Variants in CST7 observed in about 807,000 individuals in gnomAD.
CST7 encodes the protein cystatin F, also known as cystatin-F.
Under a neutral mutation model 13.1 loss-of-function variants are expected in CST7, and 15 were observed. The observed-to-expected ratio is 1.14, with a 90% CI of 0.77 to 1.76. The LOEUF is 1.76. CST7 is among the 40% of genes most tolerant of loss of function. The probability of loss-of-function intolerance (pLI) is 0.00; values close to 1 mark genes in which losing one functional copy is unlikely to be tolerated. For synonymous variants in CST7, 75 were observed against 66.9 expected (o/e 1.12, Z -0.59); for missense variants, 193 against 178.8 (o/e 1.08, Z -0.45).
At chr20:24,959,599 A>C (rs1244163643) in intron 3 of CST7, 36 bp from the exon 4 acceptor site, 3 of 1,604,556 alleles carry the variant, frequency 1.9e-6, no homozygotes, top group Non-Finnish European at 2.6e-6. Flanking sequence ...CCGCAGGGAA[A>C]GTCTAAGCTC....
chr20:24,957,599 A>C, intron 2 of CST7, 140 bp downstream of exon 2: 1 of 845,592 alleles, frequency 1.2e-6, no homozygotes, highest in Non-Finnish European at 1.9e-6. Flanking sequence ...GCAGATGCAC[A>C]AGGGGTGGGA....
Position 24,949,407 on chromosome 20 carries a change from G to A in CST7, c.-99G>A, listed in dbSNP as rs762128527. The A allele has an allele frequency of 4.9e-5, 78 of 1,605,814 alleles. No homozygotes were observed. The highest frequency in any genetic ancestry group is 6.6e-5 in the Non-Finnish European group (77 of 1,175,356). On this transcript the variant is annotated 5_prime_UTR_variant, in exon 1 of 4. Transcript: ENST00000480798. ...TGCGCCATCTACCCAAGAAGGCTCG[G>A]CACGGGCACCAACCACTGCCTCCAA... is the stretch of plus-strand genomic sequence containing the variant.
At chr20:24,951,531 C>A (rs1184026691) in intron 1 of CST7, among the ~76,000 whole-genome samples, 2 of 152,224 alleles carry the variant, frequency 1.3e-5, no homozygotes, top group Non-Finnish European at 2.9e-5. Flanking sequence ...GAGATGGGAA[C>A]CTGGGCCCCA....
rs1227654903 is a variant in CST7 at position 24,958,958 on chromosome 20, G to A, written c.274G>A (p.Val92Met). The A allele has an allele frequency of 6.8e-6, 11 of 1,614,046 alleles. No individual in the cohort carries two copies. Among genetic ancestry groups the A allele is most frequent in the Non-Finnish European group, 8.5e-6 (10 of 1,179,948 alleles). ...GAAAGGCCTGAAATATATGCTGGAG[G>A]TGGAAATTGGCAGAACTACCTGCAA... ...IVKGLKYMLE[V>M]EIGRTTCKKN... The change falls in exon 3 of 4, where the codon GTG (valine) becomes ATG (methionine). Residue 92 changes from valine (V) to methionine (M), a missense_variant. Val to Met is a conservative substitution (Grantham distance 21, BLOSUM62 1). Coordinates refer to ENST00000480798, the MANE Select transcript of CST7 (RefSeq NM_003650.4).
At chr20:24,950,809 T>TCC (rs2087814563) in intron 1 of CST7, among the ~76,000 whole-genome samples, 1 of 152,160 alleles carries the variant, frequency 6.6e-6, no homozygotes, top group Admixed American at 6.5e-5. Flanking sequence ...CCTGCTGCCA[T>TCC]TCTGTGCCCT....
At chr20:24,953,388 G>A (rs2087832758) in intron 1 of CST7, among the ~76,000 whole-genome samples, 1 of 152,222 alleles carries the variant, frequency 6.6e-6, no homozygotes. Context: ...GTATTTTCGT[G>A]ATGATCCTGT....
rs758677555 is a variant in CST7 at position 24,949,576 on chromosome 20, G to T, written c.70+1G>T. 16 of 1,613,910 alleles carry T rather than the reference G, an allele frequency of 9.9e-6. No homozygotes were observed. The East Asian group carries it at 3.3e-4, about 34-fold the overall frequency. The stretch of plus-strand genomic sequence containing the variant: ...AGCACCACTGGGGGCCCTTCCCCAG[G>T]TAAGTGGCGTTCTCCCCTGTCCGCT... On this transcript the variant is annotated splice_donor_variant, in intron 1 of 3. Coordinates refer to ENST00000480798, the MANE Select transcript of CST7 (RefSeq NM_003650.4). LOFTEE classifies it high-confidence loss of function.
intron 2 of CST7, among the ~76,000 whole-genome samples, chr20:24,958,283 G>A (rs1009959633): frequency 5.9e-5 from 9 of 152,128 alleles, no homozygotes; most frequent in African/African-American, 1.7e-4. Flanking sequence ...TCTTCCCTGG[G>A]TGATGCAGGC....
intron 2 of CST7, 80 bp downstream of exon 2, chr20:24,957,539 G>A: frequency 2.9e-6 from 4 of 1,401,798 alleles, no homozygotes; most frequent in Non-Finnish European, 4.0e-6. Context: ...TAGGAGAGCA[G>A]GGCGGATATA....
At chr20:24,951,328 T>C (rs56311685) in intron 1 of CST7, among the ~76,000 whole-genome samples, 14,602 of 152,208 alleles carry the variant, frequency 0.096, 803 homozygotes, top group African/African-American at 0.12. Flanking sequence ...TGGAGGCACA[T>C]GGGGCATGGG....
chr20:24,952,678 G>A (rs1381800699), intron 1 of CST7, among the ~76,000 whole-genome samples: 1 of 152,214 alleles, frequency 6.6e-6, no homozygotes, highest in Non-Finnish European at 1.5e-5. Context: ...CCCTCTCAAA[G>A]GGTCTCCCCA....
At position 24,959,832 on chromosome 20, in the gene CST7, G is replaced by A. The variant is rs978239445; in HGVS notation, c.*120G>A. 4 of 972,138 alleles carry A rather than the reference G, an allele frequency of 4.1e-6. No homozygotes were observed. Among genetic ancestry groups the A allele is most frequent in the African/African-American group, 1.6e-5 (1 of 63,016 alleles). The allele number at this position is 972,138 out of a possible 1,614,324, so 60.2% of individuals were successfully genotyped here. On this transcript the variant is annotated 3_prime_UTR_variant, in exon 4 of 4. Coordinates refer to ENST00000480798, the MANE Select transcript of CST7 (RefSeq NM_003650.4). ...CCTCTCAGGCCTCTGACGAGTGAGC[G>A]GGTGAAGTGCCACTGGGTCACCGCA...
chr20:24,950,007 G>A (rs953774812), intron 1 of CST7, among the ~76,000 whole-genome samples: 6 of 152,280 alleles, frequency 3.9e-5, no homozygotes, highest in Non-Finnish European at 5.9e-5. Context: ...GGACCCTAAC[G>A]ATCAGACTCT....
In CST7 at chr20:24,949,589, T is replaced by G; in HGVS notation, c.70+14T>G. Reference sequence around the variant, plus strand: ...GCCCTTCCCCAGGTAAGTGGCGTTCTCCCCTGTCCGCTCCCCGGGGGTCTC... The same window carrying G: ...GCCCTTCCCCAGGTAAGTGGCGTTCGCCCCTGTCCGCTCCCCGGGGGTCTC... On this transcript the variant is annotated intron_variant, in intron 1 of 3. Transcript: ENST00000480798. 5.0e-6 allele frequency: 8 copies of G among 1,613,712 alleles called. No individual in the cohort carries two copies. The highest frequency in any genetic ancestry group is 6.8e-6 in the Non-Finnish European group (8 of 1,179,884).
chr20:24,956,583 G>C (rs987661906), intron 1 of CST7, among the ~76,000 whole-genome samples: 1 of 152,146 alleles, frequency 6.6e-6, no homozygotes, highest in South Asian at 2.1e-4. Flanking sequence ...GGGACACAGT[G>C]CACTGTCACT....
rs559169413 is a variant in CST7 at position 24,949,271 on chromosome 20, T to C, written c.-235T>C. The stretch of plus-strand genomic sequence containing the variant: ...CTGCCCCTGGGCTGGGACAGCCCAC[T>C]GTTCCATGCTGCCCAAGAAGGCTCA... On this transcript the variant is annotated 5_prime_UTR_variant, in exon 1 of 4. Transcript: ENST00000480798. 6.4e-6 allele frequency: 8 copies of C among 1,256,252 alleles called. No homozygotes were observed. In the East Asian group the frequency reaches 2.3e-4, roughly 37 times the overall value. 77.8% of individuals were successfully genotyped at this position (1,256,252 alleles called of 1,614,324 possible).
intron 1 of CST7, among the ~76,000 whole-genome samples, chr20:24,957,008 G>GGTAAGAGAGAACAT (rs1301774060): frequency 8.3e-5 from 9 of 108,382 alleles, no homozygotes; most frequent in African/African-American, 1.8e-4. Flanking sequence ...TGAGGGGGCA[G>GGTAAGAGAGAACAT]GTGAGGGGGG....
At chr20:24,955,059 A>C (rs939176292) in intron 1 of CST7, among the ~76,000 whole-genome samples, 16 of 152,240 alleles carry the variant, frequency 1.1e-4, no homozygotes, top group African/African-American at 3.6e-4. Context: ...CAACAACAAA[A>C]AAAAACGCTA....
At chr20:24,959,377 A>G (rs2087881098) in intron 3 of CST7, among the ~76,000 whole-genome samples, 1 of 152,214 alleles carries the variant, frequency 6.6e-6, no homozygotes, top group South Asian at 2.1e-4. Context: ...TACATATGAT[A>G]TGTATCATAT....
Sources: gnomAD v4.1 joint callset for allele counts (sites outside exome capture counted in the v4.1 genomes callset) on GRCh38, gnomAD v4.1.1 for gene constraint, MANE v1.5 for transcripts, NCBI Gene and HGNC (gene_info 2026-07-23, HGNC 2026-07-21) for gene names.